The following PCDHA5 variants were observed in gnomAD, a reference collection of about 807,000 sequenced individuals.
The protein encoded by PCDHA5 is protocadherin alpha-5.
Under a neutral mutation model 61.6 loss-of-function variants are expected in PCDHA5, and 43 were observed. The observed-to-expected ratio is 0.70, with a 90% CI of 0.55 to 0.90. PCDHA5 has a LOEUF of 0.90. PCDHA5 is among the 40% of genes least tolerant of loss of function. The pLI is 0.00. For synonymous variants in PCDHA5, 627 were observed against 543.9 expected (o/e 1.15, Z -2.13); for missense variants, 1,298 against 1,222.7 (o/e 1.06, Z -0.92).
At chr5:140,867,604 A>C (rs1420460822) in intron 1 of PCDHA5, 1 of 152,164 alleles carries the variant, frequency 6.6e-6, no homozygotes, top group Non-Finnish European at 1.5e-5. Flanking sequence ...GAGATAAACC[A>C]TCAAAACTAT....
chr5:140,843,140 C>G (rs1432182351), intron 1 of PCDHA5: 1 of 1,595,908 alleles, frequency 6.3e-7, no homozygotes, highest in Non-Finnish European at 8.6e-7. Context: ...CAACGCGTGG[C>G]TTTCGTATGA....
At chr5:140,870,285 C>G (rs1315531348) in intron 1 of PCDHA5, 1 of 1,614,108 alleles carries the variant, frequency 6.2e-7, no homozygotes, top group Non-Finnish European at 8.5e-7. Flanking sequence ...ACGTTCCCTT[C>G]AAGCTGGTGT....
intron 1 of PCDHA5, chr5:140,828,134 C>T (rs2150151262): frequency 1.9e-6 from 3 of 1,613,682 alleles, no homozygotes; most frequent in South Asian, 1.1e-5. Flanking sequence ...GCAATGTCTG[C>T]TCCTCCCGCT....
At chr5:140,864,478 G>A (rs377075793) in intron 1 of PCDHA5, 3 of 152,180 alleles carry the variant, frequency 2.0e-5, no homozygotes, top group Admixed American at 6.5e-5. Context: ...GATGTTGATT[G>A]CAGTGGGTGG....
intron 1 of PCDHA5, among the ~76,000 whole-genome samples, chr5:140,939,903 C>T (rs782506444): frequency 6.6e-6 from 1 of 152,046 alleles, no homozygotes; most frequent in African/African-American, 2.4e-5. Flanking sequence ...ATTCTGCATT[C>T]TTTTTTATTC....
chr5:140,937,776 G>A (rs1350103217), intron 1 of PCDHA5, among the ~76,000 whole-genome samples: 1 of 151,292 alleles, frequency 6.6e-6, no homozygotes, highest in Non-Finnish European at 1.5e-5. Context: ...GTCGGGCGTG[G>A]TGGCGGGCGT....
At position 140,969,313 on chromosome 5, in the gene PCDHA5, G is replaced by A. The variant is rs2096317901; in HGVS notation, c.2353-9636G>A. 3.7e-6 allele frequency: 6 copies of A among 1,614,160 alleles called. No homozygotes were observed. In the East Asian group the frequency reaches 8.9e-5, roughly 24 times the overall value. ...GGAACCTGATTATTCTCAAAAATGAGGCTGTTTCTCAAAATGAGGTGAGAC... is the reference window on the plus strand; with the variant it reads ...GGAACCTGATTATTCTCAAAAATGAAGCTGTTTCTCAAAATGAGGTGAGAC... On this transcript the variant is annotated intron_variant, in intron 1 of 3. Coordinates refer to ENST00000529859, the MANE Select transcript of PCDHA5 (RefSeq NM_018908.3).
At chr5:140,848,361 A>G in intron 1 of PCDHA5, 1 of 1,069,062 alleles carries the variant, frequency 9.4e-7, no homozygotes, top group East Asian at 2.4e-5. Context: ...TTCCCATGGG[A>G]AAGAGGCTCA....
chr5:140,851,068 A>G lies in PCDHA5; in HGVS notation c.2352+26941A>G, dbSNP rs563336540. ...CGACTTTGTCTTGACTTCTAGTGAG[A>G]ATTATAAACTGTATATTAAATAGAT... On this transcript the variant is annotated intron_variant, in intron 1 of 3. Transcript: ENST00000529859. The G allele has an allele frequency of 1.3e-4, 170 of 1,354,166 alleles. 16 individuals carry two copies. Among genetic ancestry groups the G allele is most frequent in the Middle Eastern group, 2.2e-4 (1 of 4,590 alleles). 83.9% of individuals were successfully genotyped at this position (1,354,166 alleles called of 1,614,324 possible).
At chr5:140,927,094 G>C (rs555838945) in intron 1 of PCDHA5, 4 of 1,612,890 alleles carry the variant, frequency 2.5e-6, no homozygotes. Context: ...CTACTTCGGG[G>C]TGGATCTACC....
intron 2 of PCDHA5, 157 bp from the exon 3 acceptor site, chr5:140,982,318 G>C (rs2096977750): frequency 6.6e-6 from 9 of 1,356,910 alleles, no homozygotes; most frequent in Non-Finnish European, 8.8e-6. Flanking sequence ...AGTTTATGCA[G>C]GGTGACTGCT....
chr5:140,994,954 T>C (rs2097657181), intron 3 of PCDHA5, among the ~76,000 whole-genome samples: 1 of 152,230 alleles, frequency 6.6e-6, no homozygotes, highest in Non-Finnish European at 1.5e-5. Flanking sequence ...AAATAATTTG[T>C]AGTTTCATTT....
At chr5:140,875,934 A>T (rs782270710) in intron 1 of PCDHA5, 1 of 1,614,178 alleles carries the variant, frequency 6.2e-7, no homozygotes, top group Admixed American at 1.7e-5. Context: ...ATTTTCCTCT[A>T]GAGGGCGCTT....
rs563512273 is a variant in PCDHA5 at position 140,921,751 on chromosome 5, A to G, written c.2353-57198A>G. Among the ~76,000 whole-genome samples, 11 of 152,290 alleles carry G rather than the reference A, an allele frequency of 7.2e-5. No homozygotes were observed. The East Asian group carries it at 7.7e-4, about 11-fold the overall frequency. On this transcript the variant is annotated intron_variant, in intron 1 of 3. Coordinates refer to ENST00000529859, the MANE Select transcript of PCDHA5 (RefSeq NM_018908.3). ...ATAAAAATTATAAGCATAACAGGAC[A>G]CTTCTTGGCTACTATTCAATACTGA...
In PCDHA5 at chr5:140,993,233, G is replaced by A. The variant is rs143093605; in HGVS notation, c.2500+10670G>A. ...TTTAGCTTTTTGGTATGTTCTCTCT[G>A]AATCTGGGGATTTAGATATATAAAT... On this transcript the variant is annotated intron_variant, in intron 3 of 3. Coordinates refer to ENST00000529859, the MANE Select transcript of PCDHA5 (RefSeq NM_018908.3). Among the ~76,000 whole-genome samples the A allele has an allele frequency of 2.0e-5, 3 of 152,224 alleles. No individual in the cohort carries two copies. The East Asian group carries it at 5.8e-4, about 29-fold the overall frequency.
At chr5:140,828,726 T>C in intron 1 of PCDHA5, 1 of 1,614,236 alleles carries the variant, frequency 6.2e-7, no homozygotes, top group Non-Finnish European at 8.5e-7. Flanking sequence ...AACTTATTCC[T>C]GACAGCCACA....
intron 1 of PCDHA5, among the ~76,000 whole-genome samples, chr5:140,872,716 A>G (rs1309493361): frequency 6.6e-6 from 1 of 152,266 alleles, no homozygotes; most frequent in Non-Finnish European, 1.5e-5. Context: ...AACTAGGTAA[A>G]TAAAATTATT....
intron 1 of PCDHA5, among the ~76,000 whole-genome samples, chr5:140,886,744 TG>T (rs2061111877): frequency 6.6e-6 from 1 of 150,996 alleles, no homozygotes. Flanking sequence ...GAGAATTGCT[TG>T]AACCCGGGAG....
intron 1 of PCDHA5, chr5:140,830,432 A>G (rs1771060362): frequency 7.4e-6 from 12 of 1,613,462 alleles, no homozygotes; most frequent in South Asian, 2.2e-5. Context: ...ACCTTGTCCT[A>G]TTATGATGGG....
Sources: gnomAD v4.1 joint callset for allele counts (sites outside exome capture counted in the v4.1 genomes callset) on GRCh38, gnomAD v4.1.1 for gene constraint, MANE v1.5 for transcripts, NCBI Gene and HGNC (gene_info 2026-07-23, HGNC 2026-07-21) for gene names.